Variants in ZNF362 observed in about 807,000 individuals in gnomAD.
ZNF362 encodes the protein zinc finger protein 362, also known as rotund homolog.
In ZNF362, 11 loss-of-function variants were observed where a neutral mutation model predicts 42.9. The observed-to-expected ratio is 0.26, with a 90% CI of 0.16 to 0.42. ZNF362 has a LOEUF of 0.42. Among genes scored for constraint, ZNF362 ranks in the 20% least tolerant of loss-of-function variants. The pLI is 1.00. For synonymous variants in ZNF362, 255 were observed against 257.3 expected (o/e 0.99, Z 0.09); for missense variants, 362 against 576.2 (o/e 0.63, Z 3.81).
intron 4 of ZNF362, among the ~76,000 whole-genome samples, chr1:33,276,811 A>T (rs1645953865): frequency 6.6e-6 from 1 of 152,242 alleles, no homozygotes; most frequent in Admixed American, 6.5e-5. Context: ...TTCTCCCCCC[A>T]GTGGACACGA....
chr1:33,261,821 A>C (rs896347557), intron 1 of ZNF362: 6 of 152,224 alleles, frequency 3.9e-5, no homozygotes, highest in African/African-American at 1.4e-4. Context: ...GCCTTATCCA[A>C]GGCCACGTGC....
At chr1:33,181,415 C>T in the ZNF362 span, 7 of 1,599,554 alleles carry the variant, frequency 4.4e-6, no homozygotes, top group Non-Finnish European at 4.2e-6. The surrounding 1 kb of genome is among the most constrained non-coding windows in gnomAD (Gnocchi z 6.5). Flanking sequence ...GCAGCTCGTC[C>T]TTGAGGCTGC....
At position 33,276,830 on chromosome 1, in the gene ZNF362, G is replaced by A. The variant is rs574877299; in HGVS notation, c.349+236G>A. Among the ~76,000 whole-genome samples, 3 of 152,364 alleles carry A rather than the reference G, an allele frequency of 2.0e-5. No individual in the cohort carries two copies. The South Asian group carries it at 6.2e-4, about 32-fold the overall frequency. On this transcript the variant is annotated intron_variant, in intron 4 of 8. Coordinates refer to ENST00000539719, the MANE Select transcript of ZNF362 (RefSeq NM_152493.3). Reference sequence around the variant, plus strand: ...CCCCCCAGTGGACACGACAGGAGCCGGTCACTGCCCCATGGGGCTCACCAG... The same window carrying A: ...CCCCCCAGTGGACACGACAGGAGCCAGTCACTGCCCCATGGGGCTCACCAG...
At chr1:33,258,734 C>T (rs754560158) in intron 1 of ZNF362, among the ~76,000 whole-genome samples, 24 of 152,166 alleles carry the variant, frequency 1.6e-4, no homozygotes, top group Non-Finnish European at 2.4e-4. Flanking sequence ...CTCCTACCCC[C>T]GCCATCATAA....
chr1:33,158,897 A>G, the ZNF362 span, among the ~76,000 whole-genome samples: 1 of 151,868 alleles, frequency 6.6e-6, no homozygotes, highest in Non-Finnish European at 1.5e-5. Context: ...CTGAAGTGCA[A>G]TGGCGCGATC....
intron 1 of ZNF362, among the ~76,000 whole-genome samples, chr1:33,257,111 G>A (rs1044516929): frequency 6.6e-6 from 1 of 152,126 alleles, no homozygotes; most frequent in Non-Finnish European, 1.5e-5. Context: ...CAGATCTGCA[G>A]AATATGGCGT....
chr1:33,127,770 C>A, the ZNF362 span, among the ~76,000 whole-genome samples: 2 of 152,208 alleles, frequency 1.3e-5, no homozygotes, highest in African/African-American at 4.8e-5. Flanking sequence ...ATATAAAGGT[C>A]TTTGAAATAA....
chr1:33,237,976 A>AC, the ZNF362 span, among the ~76,000 whole-genome samples: 5 of 151,964 alleles, frequency 3.3e-5, no homozygotes, highest in African/African-American at 1.2e-4. Context: ...GAGACCATAT[A>AC]CTCCTTCTCT....
the ZNF362 span, chr1:33,158,385 A>C: frequency 6.2e-7 from 1 of 1,609,102 alleles, no homozygotes. Context: ...GGAGAGCAGG[A>C]AAGGGGGCTG....
At chr1:33,292,382 G>A (rs12725241) in intron 6 of ZNF362, among the ~76,000 whole-genome samples, 25,178 of 152,128 alleles carry the variant, frequency 0.17, 2,584 homozygotes, top group South Asian at 0.26. Context: ...ATTGATTTGC[G>A]TATGTTGAAC....
chr1:33,130,668 C>T, the ZNF362 span, among the ~76,000 whole-genome samples: 6 of 152,266 alleles, frequency 3.9e-5, no homozygotes, highest in East Asian at 1.9e-4. Context: ...TCTTGACCCT[C>T]AGAAAGGGAG....
In ZNF362 at chr1:33,276,113, C is replaced by G. The variant is rs752054095; in HGVS notation, c.52C>G (p.Arg18Gly). ...CTCTTCCCGCAGGATGGCCGAGCCTCGATTTAACAACCCCTACTTCTGGCC... is the reference window on the plus strand; with the variant it reads ...CTCTTCCCGCAGGATGGCCGAGCCTGGATTTAACAACCCCTACTTCTGGCC... ...GKGHSRMAEPRFNNPYFWPPP... is the reference protein window; with the variant it reads ...GKGHSRMAEPGFNNPYFWPPP... The change falls in exon 3 of 9, where the codon CGA becomes GGA. Residue 18 changes from arginine to glycine, a missense_variant. Transcript: ENST00000539719. 6 of 1,613,926 alleles carry G rather than the reference C, an allele frequency of 3.7e-6. No homozygotes were observed. The highest frequency in any genetic ancestry group is 1.3e-5 in the African/African-American group (1 of 74,922).
intron 4 of ZNF362, among the ~76,000 whole-genome samples, chr1:33,278,816 TG>T (rs1645969807): frequency 6.6e-6 from 1 of 152,214 alleles, no homozygotes; most frequent in Non-Finnish European, 1.5e-5. Context: ...CTTGTTTTAG[TG>T]GCTGTGCAGT....
intron 6 of ZNF362, among the ~76,000 whole-genome samples, chr1:33,288,376 T>TG (rs35782060): frequency 6.6e-6 from 1 of 151,682 alleles, no homozygotes; most frequent in African/African-American, 2.4e-5. Context: ...ACTGGGACAG[T>TG]GGGGGGTGAA....
At chr1:33,217,139 T>A in the ZNF362 span, among the ~76,000 whole-genome samples, 1 of 152,124 alleles carries the variant, frequency 6.6e-6, no homozygotes, top group Non-Finnish European at 1.5e-5. Flanking sequence ...GGCTCAGTGC[T>A]AAGGAGGCTA....
At chr1:33,286,344 T>C (rs12567237) in intron 6 of ZNF362, among the ~76,000 whole-genome samples, 25,612 of 151,610 alleles carry the variant, frequency 0.17, 2,692 homozygotes, top group South Asian at 0.26. Flanking sequence ...GTTTTTTTTT[T>C]CCAAGAAGTA....
At chr1:33,211,576 C>T in the ZNF362 span, among the ~76,000 whole-genome samples, 3 of 152,172 alleles carry the variant, frequency 2.0e-5, no homozygotes, top group Non-Finnish European at 4.4e-5. Context: ...CCACTCTCTT[C>T]TGGTTTGCAG....
the ZNF362 span, among the ~76,000 whole-genome samples, chr1:33,140,537 T>C: frequency 6.6e-6 from 1 of 152,164 alleles, no homozygotes; most frequent in Non-Finnish European, 1.5e-5. This position sits in a 1 kb window ranked among gnomAD's most constrained non-coding sequence, Gnocchi z 4.0. Flanking sequence ...GAGCCTCTTT[T>C]CTGGGGAAAA....
chr1:33,235,700 C>T, the ZNF362 span, among the ~76,000 whole-genome samples: 1 of 152,238 alleles, frequency 6.6e-6, no homozygotes, highest in Admixed American at 6.5e-5. Context: ...AGGGTCAGTG[C>T]ATGGAAAATT....
Sources: allele counts gnomAD v4.1 joint callset (sites outside exome capture counted in the v4.1 genomes callset), GRCh38; gene constraint gnomAD v4.1.1; non-coding constraint Gnocchi (gnomAD v3.1); transcripts MANE v1.5; gene names NCBI Gene and HGNC (gene_info 2026-07-23, HGNC 2026-07-21).